CDH18: variants seen among roughly 807,000 people sequenced by gnomAD.
The protein encoded by CDH18 is cadherin-18.
Under a neutral mutation model 67.9 loss-of-function variants are expected in CDH18, and 31 were observed. That is an observed-to-expected ratio of 0.46 (90% confidence interval 0.34 to 0.62). The LOEUF is 0.62. Among genes scored for constraint, CDH18 ranks in the 20% least tolerant of loss-of-function variants. The pLI is 0.01. For synonymous variants in CDH18, 362 were observed against 347.2 expected, an observed-to-expected ratio of 1.04 and a Z score of -0.48; for missense variants, 890 against 975.5, an observed-to-expected ratio of 0.91 and a Z score of 1.17.
chr5:19,941,606 A>AC (rs898618117), intron 2 of CDH18, among the ~76,000 whole-genome samples: 48 of 151,486 alleles, frequency 3.2e-4, no homozygotes, highest in African/African-American at 1.1e-3. Flanking sequence ...ACATAGCGAG[A>AC]CCCCCATCCC....
intron 2 of CDH18, among the ~76,000 whole-genome samples, chr5:19,999,294 T>C (rs1736256147): frequency 6.6e-6 from 1 of 151,868 alleles, no homozygotes; most frequent in African/African-American, 2.4e-5. Context: ...TCCTCCACAA[T>C]TGCCCACATA....
chr5:20,072,963 T>A (rs972546399), intron 2 of CDH18, among the ~76,000 whole-genome samples: 4 of 152,060 alleles, frequency 2.6e-5, no homozygotes, highest in Admixed American at 6.6e-5. Context: ...CAGGAAATGA[T>A]GTTTACATTT....
At chr5:20,307,279 A>AT (rs559786976) in intron 1 of CDH18, among the ~76,000 whole-genome samples, 1,864 of 147,920 alleles carry the variant, frequency 0.013, 36 homozygotes, top group African/African-American at 0.043. Context: ...ACACCAATAG[A>AT]TTTTTTTTTT....
chr5:20,254,345 C>G (rs1744073217), intron 2 of CDH18, among the ~76,000 whole-genome samples: 1 of 152,136 alleles, frequency 6.6e-6, no homozygotes, highest in African/African-American at 2.4e-5. Flanking sequence ...CTCCTGACCT[C>G]AGGTGATCAG....
chr5:20,243,663 AT>A (rs1207675551), intron 2 of CDH18, among the ~76,000 whole-genome samples: 3 of 152,002 alleles, frequency 2.0e-5, no homozygotes, highest in Non-Finnish European at 2.9e-5. Flanking sequence ...CAAAAAGCCA[AT>A]TTTTTTATTA....
chr5:19,989,348 A>G (rs1341654107), upstream of CDH18, among the ~76,000 whole-genome samples: 2 of 152,232 alleles, frequency 1.3e-5, no homozygotes, highest in African/African-American at 2.4e-5. Flanking sequence ...TGTTAAAGGA[A>G]CAAGGACTTA....
intron 12 of CDH18, among the ~76,000 whole-genome samples, chr5:19,475,192 G>GCA (rs34517461): frequency 0.037 from 5,426 of 146,250 alleles, 170 homozygotes; most frequent in African/African-American, 0.085. Context: ...ATCAATAACA[G>GCA]CACACACACA....
chr5:20,284,241 G>T (rs1020739601), intron 1 of CDH18, among the ~76,000 whole-genome samples: 1 of 151,876 alleles, frequency 6.6e-6, no homozygotes, highest in Admixed American at 6.6e-5. Context: ...CAACTAAAAG[G>T]ATATAATTGG....
chr5:20,366,851 CTCCTCCT>C lies in CDH18; in HGVS notation c.-579-111353_-579-111347del, dbSNP rs372620505. ...TAGTTTAGCAAGCTGGGCAGGATGGCTCCTCCTTCCCCCGGGATGATTGGGACCCAAG... is the reference window on the plus strand; with the variant it reads ...TAGTTTAGCAAGCTGGGCAGGATGGCTCCCCCGGGATGATTGGGACCCAAG... On this transcript the variant is annotated intron_variant, in intron 1 of 14. Coordinates refer to the CDH18 transcript ENST00000507958. Among the ~76,000 whole-genome samples the C allele has an allele frequency of 7.3e-3, 1,116 of 152,242 alleles. 11 individuals are homozygous for C. Among genetic ancestry groups the C allele is most frequent in the African/African-American group, 0.025 (1,052 of 41,554 alleles).
intron 2 of CDH18, among the ~76,000 whole-genome samples, chr5:19,874,380 G>A (rs1444236534): frequency 6.6e-6 from 1 of 152,066 alleles, no homozygotes; most frequent in Admixed American, 6.6e-5. Flanking sequence ...GGATTTCTAA[G>A]GTCTTTAATA....
At chr5:19,842,464 TG>T (rs1782445126) in intron 2 of CDH18, among the ~76,000 whole-genome samples, 1 of 152,122 alleles carries the variant, frequency 6.6e-6, no homozygotes. Context: ...TGATGCCTTG[TG>T]AAAAAGAACA....
chr5:19,621,809 A>G (rs1426001842), intron 5 of CDH18, among the ~76,000 whole-genome samples: 1 of 152,226 alleles, frequency 6.6e-6, no homozygotes, highest in African/African-American at 2.4e-5. Context: ...TTTAAAAGGT[A>G]GTTCTCATTA....
At chr5:20,242,612 A>ATACATATATATATATATATATATATATG (rs1743036322) in intron 2 of CDH18, among the ~76,000 whole-genome samples, 1 of 49,388 alleles carries the variant, frequency 2.0e-5, no homozygotes, top group African/African-American at 8.1e-5. Flanking sequence ...AAAAAAAAAA[A>ATACATATATATATATATATATATATATG]TATATATATA....
At chr5:19,667,107 G>T (rs1321441023) in intron 5 of CDH18, among the ~76,000 whole-genome samples, 1 of 151,626 alleles carries the variant, frequency 6.6e-6, no homozygotes, top group Non-Finnish European at 1.5e-5. Context: ...ATATGTGTTT[G>T]TTATTAAATA....
intron 2 of CDH18, among the ~76,000 whole-genome samples, chr5:20,207,750 C>T (rs191703690): frequency 2.3e-3 from 348 of 152,096 alleles, no homozygotes; most frequent in Non-Finnish European, 3.1e-3. Context: ...AGAGCCAAAC[C>T]ATATCAATAC....
chr5:19,609,331 C>T (rs1748581386), intron 6 of CDH18, among the ~76,000 whole-genome samples: 1 of 151,838 alleles, frequency 6.6e-6, no homozygotes, highest in Non-Finnish European at 1.5e-5. Context: ...CACCATGTAG[C>T]CCAGAGGTAG....
intron 1 of CDH18, among the ~76,000 whole-genome samples, chr5:20,274,407 T>A (rs1745652168): frequency 6.6e-6 from 1 of 152,206 alleles, no homozygotes; most frequent in South Asian, 2.1e-4. Flanking sequence ...GGGTACAATT[T>A]ATATAAAATT....
At chr5:19,849,507 A>G (rs28362002) in intron 2 of CDH18, among the ~76,000 whole-genome samples, 3,074 of 151,694 alleles carry the variant, frequency 0.02, 103 homozygotes, top group African/African-American at 0.068. Context: ...TACAATACCC[A>G]GATGCCATAA....
At chr5:19,964,184 A>G (rs1797199344) in intron 2 of CDH18, among the ~76,000 whole-genome samples, 1 of 152,158 alleles carries the variant, frequency 6.6e-6, no homozygotes, top group African/African-American at 2.4e-5. Context: ...CATGATATAA[A>G]AAAGAGTACA....
Sources: gnomAD v4.1 joint callset for allele counts (sites outside exome capture counted in the v4.1 genomes callset) on GRCh38, gnomAD v4.1.1 for gene constraint, MANE v1.5 for transcripts, NCBI Gene and HGNC (gene_info 2026-07-23, HGNC 2026-07-21) for gene names.